Variants in ZNF536 observed in about 807,000 individuals in gnomAD.
The protein encoded by ZNF536 is zinc finger protein 536.
In ZNF536, 13 loss-of-function variants were observed where a neutral mutation model predicts 84.5. The observed-to-expected ratio is 0.15, with a 90% CI of 0.10 to 0.24. ZNF536 has a LOEUF of 0.24. ZNF536 is among the 10% of genes least tolerant of loss of function. The pLI, the probability that ZNF536 is intolerant of heterozygous loss-of-function variation, is 1.00. For synonymous variants in ZNF536, 811 were observed against 742.5 expected, an observed-to-expected ratio of 1.09 and a Z score of -1.50; for missense variants, 1,536 against 1,747.5, an observed-to-expected ratio of 0.88 and a Z score of 2.16.
At chr19:30,710,377 A>G (rs2052414628) in intron 1 of ZNF536, among the ~76,000 whole-genome samples, 1 of 152,152 alleles carries the variant, frequency 6.6e-6, no homozygotes, top group Non-Finnish European at 1.5e-5. Context: ...TCCTGTCTCT[A>G]AAACAAACAA....
intron 1 of ZNF536, among the ~76,000 whole-genome samples, chr19:30,707,271 G>A (rs2052280812): frequency 6.6e-6 from 1 of 152,092 alleles, no homozygotes; most frequent in African/African-American, 2.4e-5. Flanking sequence ...CCTCTGATTG[G>A]CATCCTAATT....
At chr19:30,547,313 A>C (rs4805577) in intron 3 of ZNF536, among the ~76,000 whole-genome samples, 57,071 of 152,120 alleles carry the variant, frequency 0.38, 12,099 homozygotes, top group African/African-American at 0.58. Flanking sequence ...TTTATAGAAT[A>C]TGTATTTATA....
intron 2 of ZNF536, among the ~76,000 whole-genome samples, chr19:30,313,020 G>C (rs2046558313): frequency 6.6e-6 from 1 of 152,252 alleles, no homozygotes; most frequent in African/African-American, 2.4e-5. Context: ...TGAAAGGCCA[G>C]GGACTTCCAG....
At chr19:30,706,648 T>C (rs1280932234) in intron 1 of ZNF536, among the ~76,000 whole-genome samples, 1 of 152,194 alleles carries the variant, frequency 6.6e-6, no homozygotes, top group African/African-American at 2.4e-5. Flanking sequence ...CCTATTTGGA[T>C]CATGGTACCA....
intron 1 of ZNF536, among the ~76,000 whole-genome samples, chr19:30,248,983 G>C (rs937340460): frequency 6.6e-6 from 1 of 152,204 alleles, no homozygotes; most frequent in African/African-American, 2.4e-5. Flanking sequence ...ACCTCTCCCA[G>C]ATCCTTGGTT....
intron 1 of ZNF536, among the ~76,000 whole-genome samples, chr19:30,277,086 C>G (rs1568297346): frequency 6.6e-6 from 1 of 152,132 alleles, no homozygotes; most frequent in Non-Finnish European, 1.5e-5. Context: ...CGTATATACT[C>G]TGGTGTCTAA....
chr19:30,281,283 A>G (rs1428762334), intron 1 of ZNF536, among the ~76,000 whole-genome samples: 1 of 152,116 alleles, frequency 6.6e-6, no homozygotes, highest in Non-Finnish European at 1.5e-5. Flanking sequence ...TCCACCCAGG[A>G]AATGGCCATT....
chr19:30,570,164 G>A (rs981098413), intron 1 of ZNF536, among the ~76,000 whole-genome samples: 1 of 152,208 alleles, frequency 6.6e-6, no homozygotes, highest in African/African-American at 2.4e-5. Flanking sequence ...GTGAAACTCC[G>A]AGTTGGACTC....
At chr19:30,258,287 A>G (rs2025016512) in intron 1 of ZNF536, among the ~76,000 whole-genome samples, 1 of 152,240 alleles carries the variant, frequency 6.6e-6, no homozygotes, top group Non-Finnish European at 1.5e-5. Flanking sequence ...GGGACACTAA[A>G]GCTGAAACTA....
upstream of ZNF536, among the ~76,000 whole-genome samples, chr19:30,370,455 C>A (rs1384321992): frequency 1.3e-5 from 2 of 152,140 alleles, no homozygotes; most frequent in Non-Finnish European, 2.9e-5. Flanking sequence ...CCTCCCCTGA[C>A]CATGATTGCA....
chr19:30,351,858 T>G (rs1390801084), intron 2 of ZNF536, among the ~76,000 whole-genome samples: 1 of 152,234 alleles, frequency 6.6e-6, no homozygotes, highest in Non-Finnish European at 1.5e-5. Flanking sequence ...GCACATGGAC[T>G]TCATGTTAGG....
At chr19:30,449,517 A>G (rs2052500252) in intron 2 of ZNF536, among the ~76,000 whole-genome samples, 1 of 152,216 alleles carries the variant, frequency 6.6e-6, no homozygotes, top group African/African-American at 2.4e-5. Flanking sequence ...TTAATGTACT[A>G]AGAAATGATA....
chr19:30,363,609 T>A (rs1355127607), intron 3 of ZNF536, among the ~76,000 whole-genome samples: 1 of 151,910 alleles, frequency 6.6e-6, no homozygotes, highest in Non-Finnish European at 1.5e-5. Context: ...CAGTGCCACC[T>A]CCGAGATTCA....
rs889877530 is a variant in ZNF536 at position 30,526,321 on chromosome 19, G to A, written c.2171-8526G>A. On this transcript the variant is annotated intron_variant, in intron 2 of 4. Coordinates refer to ENST00000355537, the MANE Select transcript of ZNF536 (RefSeq NM_014717.3). ...GCCTTGGCAAGATGTGGCGGTCTGC[G>A]GATGACAGGGGATGTTGTCACAGCA... is the stretch of plus-strand genomic sequence containing the variant. 9.9e-5 allele frequency among the ~76,000 whole-genome samples: 15 copies of A among 152,206 alleles called. 1 individual carries two copies. Among genetic ancestry groups the A allele is most frequent in the Admixed American group, 3.9e-4 (6 of 15,284 alleles).
intron 2 of ZNF536, among the ~76,000 whole-genome samples, chr19:30,306,405 A>G (rs1388150720): frequency 2.0e-5 from 3 of 152,130 alleles, no homozygotes; most frequent in Non-Finnish European, 2.9e-5. Context: ...CTGCTTATTC[A>G]TGTCAAGCTA....
intron 1 of ZNF536, among the ~76,000 whole-genome samples, chr19:30,430,268 A>T: frequency 6.6e-6 from 1 of 152,270 alleles, no homozygotes; most frequent in Non-Finnish European, 1.5e-5. Flanking sequence ...TCATTCATTC[A>T]TCCATTCATT....
intron 2 of ZNF536, among the ~76,000 whole-genome samples, chr19:30,524,120 C>T (rs10409973): frequency 0.021 from 3,236 of 152,270 alleles, 113 homozygotes; most frequent in African/African-American, 0.073. Flanking sequence ...CTCCATGCCG[C>T]CCTAATAGAT....
At chr19:30,631,448 T>C (rs979822698) in intron 1 of ZNF536, among the ~76,000 whole-genome samples, 5 of 152,196 alleles carry the variant, frequency 3.3e-5, no homozygotes, top group African/African-American at 1.2e-4. Flanking sequence ...TGGACATGTC[T>C]CCAGCAAACG....
intron 1 of ZNF536, among the ~76,000 whole-genome samples, chr19:30,249,171 G>A (rs16963974): frequency 0.15 from 22,179 of 152,160 alleles, 1,972 homozygotes; most frequent in South Asian, 0.32. Context: ...AAGGTGATCT[G>A]TATGGATACA....
Sources: allele counts gnomAD v4.1 joint callset (sites outside exome capture counted in the v4.1 genomes callset), GRCh38; gene constraint gnomAD v4.1.1; transcripts MANE v1.5; gene names NCBI Gene and HGNC (gene_info 2026-07-23, HGNC 2026-07-21).